PIP5K1B: variants seen among roughly 807,000 people sequenced by gnomAD.
PIP5K1B encodes the protein phosphatidylinositol 4-phosphate 5-kinase type-1 beta.
In PIP5K1B, 42 loss-of-function variants were observed where a neutral mutation model predicts 67.0. The observed-to-expected ratio is 0.63, with a 90% CI of 0.49 to 0.81. PIP5K1B has a LOEUF of 0.81. Among genes scored for constraint, PIP5K1B ranks in the 30% least tolerant of loss-of-function variants. The pLI is 0.00. For synonymous variants in PIP5K1B, 214 were observed against 231.4 expected (o/e 0.92, Z 0.68); for missense variants, 459 against 646.3 (o/e 0.71, Z 3.14).
At chr9:68,917,453 C>G (rs1262036126) in intron 8 of PIP5K1B, 95 bp from the exon 9 acceptor site, 2 of 848,908 alleles carry the variant, frequency 2.4e-6, no homozygotes, top group Non-Finnish European at 2.0e-6. Flanking sequence ...ATAACAGGAG[C>G]TGTGTGTCTG....
intron 15 of PIP5K1B, among the ~76,000 whole-genome samples, chr9:69,007,661 T>C (rs773433905): frequency 4.6e-5 from 7 of 152,084 alleles, no homozygotes; most frequent in Non-Finnish European, 7.3e-5. Flanking sequence ...TTCAAGACCA[T>C]CCTGGCTAAC....
intron 14 of PIP5K1B, among the ~76,000 whole-genome samples, chr9:68,953,867 G>A (rs935127065): frequency 6.7e-6 from 1 of 149,824 alleles, no homozygotes; most frequent in African/African-American, 2.5e-5. Context: ...AGCAGAGCTT[G>A]TTGACCAGCA....
intron 2 of PIP5K1B, among the ~76,000 whole-genome samples, chr9:68,791,725 G>A (rs181949288): frequency 2.0e-5 from 3 of 152,054 alleles, no homozygotes; most frequent in Admixed American, 6.5e-5. Flanking sequence ...CTTTCTCAAG[G>A]CCCCGTTTAC....
Position 68,999,329 on chromosome 9 carries a change from C to T in PIP5K1B, c.1620+8072C>T, listed in dbSNP as rs190960130. On this transcript the variant is annotated intron_variant, in intron 15 of 15. Coordinates refer to ENST00000265382, the MANE Select transcript of PIP5K1B (RefSeq NM_003558.4). ...ATTGGGGGGACACAATTCAGCCCAC[C>T]CCTCTACCTTACCGAGGGACCTGTG... is the stretch of plus-strand genomic sequence containing the variant. 2.6e-5 allele frequency among the ~76,000 whole-genome samples: 4 copies of T among 152,296 alleles called. No homozygotes were observed. The East Asian group carries it at 7.7e-4, about 29-fold the overall frequency.
At position 68,934,900 on chromosome 9, in the gene PIP5K1B, T is replaced by C. The variant is rs1433626346; in HGVS notation, c.1212T>C (p.Ala404=). 1.1e-5 allele frequency: 18 copies of C among 1,609,264 alleles called. No homozygotes were observed. The Middle Eastern group carries it at 6.6e-4, about 59-fold the overall frequency. Residue 404 remains alanine (A), a synonymous_variant, in exon 13 of 16, where the codon GCT becomes GCC. Coordinates refer to ENST00000265382, the MANE Select transcript of PIP5K1B (RefSeq NM_003558.4). ...RVFKKIQALK[A]SPSKKRCNSI... ...TTCCTTTCTGTCTAGCTTTGAAGGCTTCACCGTCTAAGAAACGGTGCAATT... is the reference window on the plus strand; with the variant it reads ...TTCCTTTCTGTCTAGCTTTGAAGGCCTCACCGTCTAAGAAACGGTGCAATT...
At chr9:68,788,308 C>G (rs1301037282) in intron 2 of PIP5K1B, 1 of 720,198 alleles carries the variant, frequency 1.4e-6, no homozygotes, top group Admixed American at 2.3e-5. Context: ...ACTCTCCCTT[C>G]AGGTTCAAAC....
At chr9:68,969,770 A>G (rs1398494509) in intron 14 of PIP5K1B, among the ~76,000 whole-genome samples, 1 of 152,218 alleles carries the variant, frequency 6.6e-6, no homozygotes, top group Non-Finnish European at 1.5e-5. Flanking sequence ...TAAGTAAACA[A>G]ACTTCAGTGG....
At chr9:68,956,494 A>G (rs996317070) in intron 14 of PIP5K1B, among the ~76,000 whole-genome samples, 3 of 152,326 alleles carry the variant, frequency 2.0e-5, no homozygotes, top group South Asian at 4.1e-4. Flanking sequence ...AAAAATTTCT[A>G]TGTTTGGATC....
intron 6 of PIP5K1B, among the ~76,000 whole-genome samples, chr9:68,885,637 T>C (rs991414867): frequency 6.6e-6 from 1 of 151,590 alleles, no homozygotes; most frequent in African/African-American, 2.4e-5. Context: ...AAGCTATGGG[T>C]ATGCAAAGGC....
intron 11 of PIP5K1B, 40 bp from the exon 12 acceptor site, chr9:68,923,262 T>G: frequency 9.2e-7 from 1 of 1,082,176 alleles, no homozygotes; most frequent in Non-Finnish European, 1.4e-6. Context: ...AGATGAACAT[T>G]AAGAGGTGAC....
chr9:68,880,841 G>A (rs1045784307), intron 6 of PIP5K1B, among the ~76,000 whole-genome samples: 2 of 152,072 alleles, frequency 1.3e-5, no homozygotes, highest in Non-Finnish European at 2.9e-5. Context: ...CCTGCACTGG[G>A]GACACCTGCA....
chr9:68,896,767 G>A (rs1825107081), intron 8 of PIP5K1B, among the ~76,000 whole-genome samples: 3 of 152,182 alleles, frequency 2.0e-5, no homozygotes, highest in Admixed American at 2.0e-4. Context: ...CTGGTGCTCT[G>A]AGCAGAGCTG....
At chr9:68,857,422 C>G (rs1047174712) in intron 4 of PIP5K1B, among the ~76,000 whole-genome samples, 4 of 152,092 alleles carry the variant, frequency 2.6e-5, no homozygotes, top group African/African-American at 9.7e-5. Flanking sequence ...ATCTCTCTCT[C>G]TTTTTCCTTA....
chr9:68,925,052 A>G (rs1236500449), intron 12 of PIP5K1B, among the ~76,000 whole-genome samples: 3 of 152,090 alleles, frequency 2.0e-5, no homozygotes. Flanking sequence ...TATATTTTTC[A>G]TATCATTGTA....
intron 2 of PIP5K1B, among the ~76,000 whole-genome samples, chr9:68,789,872 C>T (rs1487081776): frequency 1.3e-5 from 2 of 152,200 alleles, no homozygotes; most frequent in Non-Finnish European, 2.9e-5. Flanking sequence ...AGGTCCCACC[C>T]TGCTCTGCTT....
chr9:68,780,401 C>A (rs1225947524), intron 2 of PIP5K1B: 1 of 1,613,896 alleles, frequency 6.2e-7, no homozygotes, highest in Non-Finnish European at 8.5e-7. Context: ...CCCCTGTCCG[C>A]ATGCACAGCA....
chr9:68,968,159 G>A (rs1214131779), intron 14 of PIP5K1B, among the ~76,000 whole-genome samples: 2 of 152,148 alleles, frequency 1.3e-5, no homozygotes, highest in African/African-American at 4.8e-5. Flanking sequence ...ATATAAAGTG[G>A]AATCATAATC....
chr9:68,885,376 G>A (rs1188689626), intron 6 of PIP5K1B, among the ~76,000 whole-genome samples: 1 of 152,134 alleles, frequency 6.6e-6, no homozygotes, highest in Non-Finnish European at 1.5e-5. Flanking sequence ...GAACAAATCA[G>A]CTCTGGTGAT....
intron 4 of PIP5K1B, among the ~76,000 whole-genome samples, chr9:68,847,408 T>TG (rs1419506022): frequency 1.4e-5 from 2 of 142,426 alleles, no homozygotes. Flanking sequence ...ACAACAGCAG[T>TG]GGTTTTGTGT....
Sources: gnomAD v4.1 joint callset for allele counts (sites outside exome capture counted in the v4.1 genomes callset) on GRCh38, gnomAD v4.1.1 for gene constraint, MANE v1.5 for transcripts, NCBI Gene and HGNC (gene_info 2026-07-23, HGNC 2026-07-21) for gene names.